PPM1H: variants seen among roughly 807,000 people sequenced by gnomAD.
PPM1H encodes protein phosphatase 1H.
In PPM1H, 27 loss-of-function variants were observed where a neutral mutation model predicts 54.9. The observed-to-expected ratio is 0.49, with a 90% confidence interval of 0.36 to 0.68. PPM1H has a LOEUF of 0.68. PPM1H is among the 30% of genes least tolerant of loss of function. The pLI, the probability that PPM1H is intolerant of heterozygous loss-of-function variation, is 0.00. For missense variants in PPM1H, 596 were observed against 667.8 expected (o/e 0.89, Z 1.19); for synonymous variants, 305 against 270.8 (o/e 1.13, Z -1.24).
At chr12:62,913,291 G>A (rs1289211915) in intron 1 of PPM1H, among the ~76,000 whole-genome samples, 4 of 152,304 alleles carry the variant, frequency 2.6e-5, no homozygotes, top group African/African-American at 7.2e-5. Flanking sequence ...AAAAGACTTC[G>A]TGGACTAGAG....
At chr12:62,662,382 A>G (rs1438423919) in intron 9 of PPM1H, among the ~76,000 whole-genome samples, 1 of 152,252 alleles carries the variant, frequency 6.6e-6, no homozygotes, top group Non-Finnish European at 1.5e-5. Flanking sequence ...ATATTTAATT[A>G]TAGTGCCATC....
chr12:62,830,972 G>C (rs1262502323), intron 2 of PPM1H, among the ~76,000 whole-genome samples: 2 of 152,068 alleles, frequency 1.3e-5, no homozygotes, highest in Non-Finnish European at 2.9e-5. Flanking sequence ...TCCTGCCTCA[G>C]CCTCCTGAGT....
rs1367261842 is a variant in PPM1H, at chr12:62,645,889, A to G, written c.*2600T>C. ...TGTGCGTCCTTTGACTTTTCCAGGG[A>G]TGCACCAGGGGCCAACCCGTTATGT... On this transcript the variant is annotated 3_prime_UTR_variant, in exon 10 of 10. Coordinates refer to ENST00000228705, the MANE Select transcript of PPM1H (RefSeq NM_020700.2). 1 of 152,206 alleles carries G rather than the reference A, an allele frequency of 6.6e-6. No individual in the cohort carries two copies. The highest frequency in any genetic ancestry group is 1.5e-5 in the Non-Finnish European group (1 of 68,038). 9.4% of individuals were successfully genotyped at this position (152,206 alleles called of 1,614,324 possible). A position where few individuals can be genotyped will look rare whatever the true frequency, so the allele number is the denominator to read the frequency against.
chr12:62,933,976 C>A (rs1238202361), intron 1 of PPM1H: 1 of 153,236 alleles, frequency 6.5e-6, no homozygotes, highest in Non-Finnish European at 1.5e-5. Flanking sequence ...GAAACTGAGA[C>A]CTTCGGAAAT....
chr12:62,690,376 G>T (rs1349896226), intron 7 of PPM1H, among the ~76,000 whole-genome samples: 1 of 152,128 alleles, frequency 6.6e-6, no homozygotes, highest in Non-Finnish European at 1.5e-5. Flanking sequence ...CTGGAGAAAA[G>T]AAACTTATCA....
intron 2 of PPM1H, among the ~76,000 whole-genome samples, chr12:62,814,028 A>T (rs963323256): frequency 6.6e-6 from 1 of 152,218 alleles, no homozygotes; most frequent in Non-Finnish European, 1.5e-5. Flanking sequence ...ATGGATACAC[A>T]GTAGTAGGTT....
In PPM1H at chr12:62,743,221, C is replaced by T. The variant is rs529385905; in HGVS notation, c.870-5635G>A. 2.0e-3 allele frequency among the ~76,000 whole-genome samples: 307 copies of T among 151,994 alleles called. 4 individuals are homozygous for T. The highest frequency in any genetic ancestry group is 6.8e-3 in the African/African-American group (281 of 41,464). ...TACAAAAATTAGCTGGGTGTGGTGG[C>T]AGGCGCCTGTAGTCACAGCTACTTG... On this transcript the variant is annotated intron_variant, in intron 4 of 9. Transcript: ENST00000228705.
At chr12:62,798,691 T>C (rs990859070) in intron 3 of PPM1H, among the ~76,000 whole-genome samples, 1 of 152,160 alleles carries the variant, frequency 6.6e-6, no homozygotes, top group Non-Finnish European at 1.5e-5. Flanking sequence ...CACTCCAGCC[T>C]TCCTCCTCAT....
rs34772338 is a variant in PPM1H, at chr12:62,867,564, A to ATTTTTTTTTTTTTTTTTTT, written c.246-35304_246-35286dup. On this transcript the variant is annotated intron_variant, in intron 1 of 9. Coordinates refer to ENST00000228705, the MANE Select transcript of PPM1H (RefSeq NM_020700.2). ...TCCTGAAATACATCTTATGAGCACT[A>ATTTTTTTTTTTTTTTTTTT]TTTTTTTTTTTTTTTTTTTTTTTTT... 4.7e-4 allele frequency among the ~76,000 whole-genome samples: 26 copies of ATTTTTTTTTTTTTTTTTTT among 55,368 alleles called. 5 individuals carry two copies. The highest frequency in any genetic ancestry group is 1.1e-3 in the African/African-American group (17 of 15,608). 36.3% of individuals were successfully genotyped at this position (55,368 alleles called of 152,430 possible).
At chr12:62,832,005 G>A in intron 2 of PPM1H, 109 bp downstream of exon 2, 1 of 1,331,868 alleles carries the variant, frequency 7.5e-7, no homozygotes, top group Non-Finnish European at 1.0e-6. Context: ...TGGGGACACT[G>A]CTTTCTCACT....
At chr12:62,849,323 A>T (rs1473527239) in intron 1 of PPM1H, among the ~76,000 whole-genome samples, 2 of 152,240 alleles carry the variant, frequency 1.3e-5, no homozygotes, top group Non-Finnish European at 2.9e-5. Context: ...TTGTGATTTA[A>T]TTGCATATTG....
chr12:62,886,115 T>G (rs989613607), intron 1 of PPM1H, among the ~76,000 whole-genome samples: 1 of 152,258 alleles, frequency 6.6e-6, no homozygotes, highest in African/African-American at 2.4e-5. Context: ...TTCTCACCAG[T>G]GCACTGCCTT....
intron 6 of PPM1H, among the ~76,000 whole-genome samples, chr12:62,706,388 C>T (rs1383943395): frequency 2.0e-5 from 3 of 152,220 alleles, no homozygotes; most frequent in Admixed American, 1.3e-4. Context: ...AGGAATACCA[C>T]ACTCTTAGCT....
intron 1 of PPM1H, among the ~76,000 whole-genome samples, chr12:62,931,968 C>G (rs1370578414): frequency 4.6e-5 from 7 of 151,810 alleles, no homozygotes; most frequent in Non-Finnish European, 1.0e-4. Context: ...AAAAAAGAAA[C>G]GCATGATATG....
chr12:62,910,696 A>G (rs1871427555), intron 1 of PPM1H, among the ~76,000 whole-genome samples: 1 of 152,164 alleles, frequency 6.6e-6, no homozygotes, highest in African/African-American at 2.4e-5. Context: ...TTGCTTAGCG[A>G]TATCTCTTGA....
Position 62,661,205 on chromosome 12 carries a change from T to G in PPM1H, c.1397+5973A>C, listed in dbSNP as rs556706967. Among the ~76,000 whole-genome samples the G allele has an allele frequency of 2.1e-3, 326 of 152,298 alleles. 3 individuals are homozygous for G. The highest frequency in any genetic ancestry group is 7.6e-3 in the African/African-American group (316 of 41,556). On this transcript the variant is annotated intron_variant, in intron 9 of 9. Transcript: ENST00000228705. Reference sequence around the variant, plus strand: ...TATTCTTCAGGTTTAAGTGTAGACATCCTTTGCTTTAGGTTAATGCTGCTG... The same window carrying G: ...TATTCTTCAGGTTTAAGTGTAGACAGCCTTTGCTTTAGGTTAATGCTGCTG...
At chr12:62,825,800 T>G (rs1052100275) in intron 2 of PPM1H, among the ~76,000 whole-genome samples, 2 of 151,780 alleles carry the variant, frequency 1.3e-5, no homozygotes, top group African/African-American at 4.8e-5. Context: ...AGTTAATGGG[T>G]GCAGCAAACC....
chr12:62,740,988 C>T (rs1307492054), intron 4 of PPM1H, among the ~76,000 whole-genome samples: 4 of 152,174 alleles, frequency 2.6e-5, no homozygotes, highest in African/African-American at 4.8e-5. Flanking sequence ...CTGTTGTGCT[C>T]GGCCTGGAAC....
intron 8 of PPM1H, among the ~76,000 whole-genome samples, chr12:62,687,653 T>C (rs1269878236): frequency 1.3e-5 from 2 of 152,002 alleles, no homozygotes; most frequent in Non-Finnish European, 2.9e-5. Context: ...TCTTGGGAAG[T>C]ACATGCAAAT....
Sources: gnomAD v4.1 joint callset for allele counts (sites outside exome capture counted in the v4.1 genomes callset) on GRCh38, gnomAD v4.1.1 for gene constraint, MANE v1.5 for transcripts, NCBI Gene and HGNC (gene_info 2026-07-23, HGNC 2026-07-21) for gene names.